The following C8orf34 variants were observed in gnomAD, a reference collection of about 807,000 sequenced individuals.
C8orf34 encodes the protein uncharacterized protein C8orf34.
In C8orf34, 65 loss-of-function variants were observed where a neutral mutation model predicts 68.3. The ratio of observed to expected loss-of-function variants is 0.95; its 90% CI spans 0.78 to 1.17. The LOEUF (loss-of-function observed/expected upper bound fraction) is 1.17, where lower values mean the gene tolerates loss of function less well. Among genes scored for constraint, C8orf34 ranks in the 50% most tolerant of loss-of-function variants. C8orf34 has a pLI of 0.00. For synonymous variants in C8orf34, 244 were observed against 241.2 expected (o/e 1.01, Z -0.11); for missense variants, 664 against 655.4 (o/e 1.01, Z -0.14).
chr8:68,743,744 G>C (rs967906819), intron 10 of C8orf34, among the ~76,000 whole-genome samples: 3 of 152,232 alleles, frequency 2.0e-5, no homozygotes, highest in Admixed American at 6.5e-5. Flanking sequence ...CGCCCACGGA[G>C]TCTCGCTGAT....
intron 7 of C8orf34, among the ~76,000 whole-genome samples, chr8:68,541,110 G>C (rs1815684313): frequency 6.6e-6 from 1 of 152,032 alleles, no homozygotes. Context: ...TCATATCTTA[G>C]GGTTTCGTGA....
At chr8:68,783,523 CAAAAAAAAAAAA>C (rs775189886) in intron 11 of C8orf34, among the ~76,000 whole-genome samples, 2 of 53,754 alleles carry the variant, frequency 3.7e-5, no homozygotes, top group African/African-American at 1.4e-4. Context: ...GACTTCATCT[CAAAAAAAAAAAA>C]AAAAAAAAAA....
intron 3 of C8orf34, chr8:68,447,814 A>G (rs1811185432): frequency 6.6e-6 from 1 of 152,212 alleles, no homozygotes; most frequent in Non-Finnish European, 1.5e-5. Context: ...TGTTCTTCAG[A>G]AATTGTGATT....
intron 4 of C8orf34, among the ~76,000 whole-genome samples, chr8:68,472,528 AGAG>A (rs1812425440): frequency 3.3e-5 from 5 of 152,154 alleles, no homozygotes; most frequent in Non-Finnish European, 7.3e-5. Flanking sequence ...TCACACTCAA[AGAG>A]GAAAAGATGC....
In C8orf34 at chr8:68,523,205, G is replaced by C. The variant is rs567382553; in HGVS notation, c.938+1234G>C. 3.5e-4 allele frequency among the ~76,000 whole-genome samples: 53 copies of C among 151,984 alleles called. 1 individual carries two copies. The East Asian group carries it at 7.9e-3, about 23-fold the overall frequency. ...CAGATCAATTTCATCTGTCAATGAG[G>C]GTAATTTTTTTAATACCAGGCTTAT... On this transcript the variant is annotated intron_variant, in intron 6 of 13. Coordinates refer to ENST00000518698, the MANE Select transcript of C8orf34 (RefSeq NM_052958.4).
intron 1 of C8orf34, among the ~76,000 whole-genome samples, chr8:68,335,797 T>G (rs1805822136): frequency 6.6e-6 from 1 of 152,146 alleles, no homozygotes; most frequent in African/African-American, 2.4e-5. Context: ...AATAATATTT[T>G]GGGCAGGCAT....
Position 68,444,638 on chromosome 8 carries a change from T to G in C8orf34, c.476-1691T>G, listed in dbSNP as rs182240438. Among the ~76,000 whole-genome samples the G allele has an allele frequency of 2.2e-3, 328 of 152,276 alleles. 1 individual carries two copies. Among genetic ancestry groups the G allele is most frequent in the African/African-American group, 7.1e-3 (295 of 41,590 alleles). ...AAAATTTTAGAGAGGTGAAATCATG[T>G]TTACTATTAAAATTTTCAATATTAG... On this transcript the variant is annotated intron_variant, in intron 2 of 13. Transcript: ENST00000518698.
At chr8:68,469,275 AT>A (rs906825421) in intron 4 of C8orf34, among the ~76,000 whole-genome samples, 2 of 151,594 alleles carry the variant, frequency 1.3e-5, no homozygotes, top group African/African-American at 4.8e-5. Flanking sequence ...CCTAGTGATT[AT>A]TTTTTTTAAT....
intron 12 of C8orf34, among the ~76,000 whole-genome samples, chr8:68,810,277 G>T (rs4480113): frequency 6.6e-6 from 1 of 152,112 alleles, no homozygotes; most frequent in Non-Finnish European, 1.5e-5. Context: ...TGCTGGCTGC[G>T]GCAGGGCAGG....
At chr8:68,375,400 T>C (rs1322024615) in intron 1 of C8orf34, among the ~76,000 whole-genome samples, 3 of 152,164 alleles carry the variant, frequency 2.0e-5, no homozygotes, top group Admixed American at 1.3e-4. Flanking sequence ...CAAAAATTAA[T>C]CTAAGTAAAA....
intron 5 of C8orf34, among the ~76,000 whole-genome samples, chr8:68,497,231 G>A (rs1377165043): frequency 6.6e-6 from 1 of 152,164 alleles, no homozygotes; most frequent in East Asian, 1.9e-4. Context: ...AGCCATATAA[G>A]GAGGTTGTTT....
chr8:68,746,025 A>G (rs536507974), intron 10 of C8orf34, among the ~76,000 whole-genome samples: 8 of 152,284 alleles, frequency 5.3e-5, no homozygotes, highest in Non-Finnish European at 1.0e-4. Context: ...CAGAAATTAT[A>G]ACAAACTATC....
At chr8:68,563,972 G>A (rs766517678) in intron 7 of C8orf34, among the ~76,000 whole-genome samples, 1 of 152,066 alleles carries the variant, frequency 6.6e-6, no homozygotes, top group African/African-American at 2.4e-5. Context: ...AGTATGACTG[G>A]ATAAGACAAA....
At chr8:68,675,795 T>A (rs1231395791) in intron 8 of C8orf34, among the ~76,000 whole-genome samples, 1 of 152,124 alleles carries the variant, frequency 6.6e-6, no homozygotes, top group African/African-American at 2.4e-5. Flanking sequence ...TCAAAAGATA[T>A]CCAATTGCTG....
intron 5 of C8orf34, among the ~76,000 whole-genome samples, chr8:68,516,440 C>G (rs1164887186): frequency 6.6e-6 from 1 of 152,092 alleles, no homozygotes; most frequent in Admixed American, 6.5e-5. Context: ...GGAGTATAAT[C>G]AAGTGCTGTG....
intron 7 of C8orf34, among the ~76,000 whole-genome samples, chr8:68,605,111 C>A (rs1013300869): frequency 2.0e-5 from 3 of 152,160 alleles, no homozygotes; most frequent in Middle Eastern, 3.4e-3. Flanking sequence ...AAAATGTGCT[C>A]CACATCATTT....
intron 12 of C8orf34, among the ~76,000 whole-genome samples, chr8:68,793,628 C>T (rs1824078014): frequency 6.6e-6 from 1 of 152,088 alleles, no homozygotes. Context: ...AACACATGGA[C>T]ACATGCAGGG....
chr8:68,703,036 C>T (rs16934922), intron 8 of C8orf34, among the ~76,000 whole-genome samples: 3,454 of 152,240 alleles, frequency 0.023, 134 homozygotes, highest in African/African-American at 0.077. Flanking sequence ...CTACTGCTAT[C>T]GCAACCAATC....
At chr8:68,482,516 C>A (rs1314229895) in intron 4 of C8orf34, among the ~76,000 whole-genome samples, 1 of 152,098 alleles carries the variant, frequency 6.6e-6, no homozygotes, top group Non-Finnish European at 1.5e-5. Context: ...TTCAAGTGAT[C>A]CTCCCACCTC....
Sources: gnomAD v4.1 joint callset for allele counts (sites outside exome capture counted in the v4.1 genomes callset) on GRCh38, gnomAD v4.1.1 for gene constraint, MANE v1.5 for transcripts, NCBI Gene and HGNC (gene_info 2026-07-23, HGNC 2026-07-21) for gene names.